The following DLG2 variants were observed in gnomAD, a reference collection of about 807,000 sequenced individuals.
DLG2 encodes the protein discs large MAGUK scaffold protein 2, also known as disks large homolog 2.
DLG2 carries 45 observed loss-of-function variants against 132.5 expected under a neutral mutation model. That is an observed-to-expected ratio of 0.34 (90% CI 0.27 to 0.44). The LOEUF is 0.44. Ranked by LOEUF, DLG2 falls within the 20% of genes least tolerant of loss-of-function variation. DLG2 has a pLI of 1.00. For synonymous variants in DLG2, 424 were observed against 419.6 expected, an observed-to-expected ratio of 1.01 and a Z score of -0.13; for missense variants, 1,045 against 1,196.9, an observed-to-expected ratio of 0.87 and a Z score of 1.87.
At chr11:84,407,862 T>C (rs189597804) in intron 7 of DLG2, among the ~76,000 whole-genome samples, 184 of 152,318 alleles carry the variant, frequency 1.2e-3, no homozygotes, top group Admixed American at 3.2e-3. Context: ...CCATATTCAA[T>C]CATCACTGTA....
Position 83,459,739 on chromosome 11 carries a change from A to G in DLG2, c.*79T>C. ...AAAACATAAATGCAACAAAAACATA[A>G]AAGCCTCCAAGTAGTATGTTATATA... On this transcript the variant is annotated 3_prime_UTR_variant, in exon 28 of 28. Coordinates refer to ENST00000376104, the MANE Select transcript of DLG2 (RefSeq NM_001142699.3). The G allele has an allele frequency of 1.3e-6, 1 of 754,244 alleles. No individual in the cohort carries two copies. Among genetic ancestry groups the G allele is most frequent in the Admixed American group, 2.2e-5 (1 of 44,622 alleles). The allele number at this position is 754,244 out of a possible 1,614,324, so 46.7% of individuals were successfully genotyped here. A position where few individuals can be genotyped will look rare whatever the true frequency, so the allele number is the denominator to read the frequency against.
intron 7 of DLG2, among the ~76,000 whole-genome samples, chr11:84,523,856 TAA>T: frequency 6.6e-6 from 1 of 152,336 alleles, no homozygotes; most frequent in Non-Finnish European, 1.5e-5. Flanking sequence ...CACTTATTTT[TAA>T]AACTTATTAT....
At chr11:84,315,153 T>C (rs889570229) in intron 7 of DLG2, among the ~76,000 whole-genome samples, 4 of 152,152 alleles carry the variant, frequency 2.6e-5, no homozygotes, top group Non-Finnish European at 5.9e-5. Flanking sequence ...ATTATCAGTA[T>C]ACGGTCTATT....
intron 6 of DLG2, among the ~76,000 whole-genome samples, chr11:84,554,493 T>C (rs1356670296): frequency 6.6e-6 from 1 of 152,078 alleles, no homozygotes; most frequent in Non-Finnish European, 1.5e-5. Flanking sequence ...ATGCCTGTAA[T>C]CCCAGCACTT....
At chr11:83,948,514 T>C (rs2084637333) in intron 14 of DLG2, among the ~76,000 whole-genome samples, 1 of 152,106 alleles carries the variant, frequency 6.6e-6, no homozygotes, top group South Asian at 2.1e-4. Flanking sequence ...CATAAAACTT[T>C]AGTTCTACCT....
intron 10 of DLG2, among the ~76,000 whole-genome samples, chr11:84,065,654 T>C (rs2096659591): frequency 6.6e-6 from 1 of 152,142 alleles, no homozygotes; most frequent in Non-Finnish European, 1.5e-5. Context: ...GGAAGGAGTT[T>C]GGGGATTTCT....
intron 6 of DLG2, among the ~76,000 whole-genome samples, chr11:85,057,610 T>C (rs1340538214): frequency 6.6e-6 from 1 of 151,568 alleles, no homozygotes; most frequent in Non-Finnish European, 1.5e-5. Flanking sequence ...TAAAACAAAC[T>C]CTTCCAGAGA....
intron 4 of DLG2, among the ~76,000 whole-genome samples, chr11:85,166,238 G>T (rs2078433777): frequency 6.6e-6 from 1 of 151,952 alleles, no homozygotes; most frequent in South Asian, 2.1e-4. Context: ...TCCTGAATCA[G>T]CTGTTACTCT....
intron 18 of DLG2, among the ~76,000 whole-genome samples, chr11:83,700,286 C>T (rs916353128): frequency 6.6e-6 from 1 of 152,048 alleles, no homozygotes; most frequent in Non-Finnish European, 1.5e-5. Context: ...GGAGCCCTTC[C>T]TTGGCCTTAA....
At chr11:85,516,811 C>CA (rs766004568) in intron 3 of DLG2, among the ~76,000 whole-genome samples, 4 of 151,846 alleles carry the variant, frequency 2.6e-5, no homozygotes, top group Non-Finnish European at 5.9e-5. Flanking sequence ...AACCCAGGAC[C>CA]GGAGGGATTC....
intron 15 of DLG2, among the ~76,000 whole-genome samples, chr11:83,875,644 G>A (rs191838772): frequency 5.5e-4 from 84 of 152,230 alleles, no homozygotes; most frequent in Admixed American, 4.8e-3. Context: ...TTAGTTTATA[G>A]TATTAGTTAA....
chr11:84,175,555 C>A (rs945161826), intron 8 of DLG2, among the ~76,000 whole-genome samples: 17 of 152,198 alleles, frequency 1.1e-4, no homozygotes, highest in South Asian at 8.3e-4. Flanking sequence ...TGAGCTGCAT[C>A]CCTTTTCATC....
chr11:85,173,424 G>C (rs1210827914), intron 4 of DLG2, among the ~76,000 whole-genome samples: 1 of 152,142 alleles, frequency 6.6e-6, no homozygotes, highest in Non-Finnish European at 1.5e-5. Context: ...AGCAAATGCT[G>C]ATGTAATTTA....
At chr11:84,710,997 C>CATATATATATAGATATATATATAT (rs1204524452) in intron 6 of DLG2, among the ~76,000 whole-genome samples, 2 of 96,176 alleles carry the variant, frequency 2.1e-5, no homozygotes, top group South Asian at 3.1e-4. Context: ...CAAGTACATT[C>CATATATATATAGATATATATATAT]ATATATATAT....
intron 4 of DLG2, among the ~76,000 whole-genome samples, chr11:85,233,181 A>G (rs547366643): frequency 6.6e-6 from 1 of 151,520 alleles, no homozygotes; most frequent in Non-Finnish European, 1.5e-5. Flanking sequence ...TCTTGGTGCT[A>G]TTTCCCACCT....
intron 9 of DLG2, among the ~76,000 whole-genome samples, chr11:84,155,320 T>G (rs537305357): frequency 2.0e-4 from 30 of 152,088 alleles, no homozygotes; most frequent in Non-Finnish European, 3.8e-4. Flanking sequence ...GTTCCCAGTT[T>G]CCCCCCTCTT....
intron 6 of DLG2, chr11:84,936,591 T>A (rs754151812): frequency 2.0e-4 from 31 of 152,282 alleles, no homozygotes; most frequent in Middle Eastern, 3.4e-3. Flanking sequence ...TACACATGTA[T>A]ACACATGTAC....
chr11:85,623,329 G>A lies in DLG2; in HGVS notation c.-93+3258C>T, dbSNP rs186437480. 5.3e-5 allele frequency among the ~76,000 whole-genome samples: 8 copies of A among 150,270 alleles called. No individual in the cohort carries two copies. The East Asian group carries it at 5.8e-4, about 11-fold the overall frequency. ...AGGACAATTTTTTTTTTTTTGAGAC[G>A]AAGTCTCTCTCTGTCGCCAAGTTGG... On this transcript the variant is annotated intron_variant, in intron 2 of 27. Coordinates refer to ENST00000376104, the MANE Select transcript of DLG2 (RefSeq NM_001142699.3).
intron 11 of DLG2, among the ~76,000 whole-genome samples, chr11:84,016,530 G>T (rs1274457163): frequency 6.6e-6 from 1 of 151,984 alleles, no homozygotes; most frequent in East Asian, 1.9e-4. Flanking sequence ...TTTTGTATAT[G>T]GTATAAGGAA....
Sources: gnomAD v4.1 joint callset for allele counts (sites outside exome capture counted in the v4.1 genomes callset) on GRCh38, gnomAD v4.1.1 for gene constraint, MANE v1.5 for transcripts, NCBI Gene and HGNC (gene_info 2026-07-23, HGNC 2026-07-21) for gene names.